The following MED13L variants were observed in gnomAD, a reference collection of about 807,000 sequenced individuals.
MED13L encodes the protein mediator complex subunit 13L, also known as mediator of RNA polymerase II transcription subunit 13-like.
In MED13L, 7 loss-of-function variants were observed where a neutral mutation model predicts 220.9. The ratio of observed to expected loss-of-function variants is 0.03; its 90% CI spans 0.02 to 0.06. MED13L has a LOEUF of 0.06. Among genes scored for constraint, MED13L ranks in the 10% least tolerant of loss-of-function variants. The probability of loss-of-function intolerance (pLI) is 1.00; values close to 1 mark genes in which losing one functional copy is unlikely to be tolerated. For synonymous variants in MED13L, 1,011 were observed against 1,015.2 expected (o/e 1.00, Z 0.08); for missense variants, 1,965 against 2,760.5 (o/e 0.71, Z 6.46).
At chr12:116,270,152 T>C (rs1193723715) in intron 1 of MED13L, among the ~76,000 whole-genome samples, 2 of 152,078 alleles carry the variant, frequency 1.3e-5, no homozygotes, top group African/African-American at 4.8e-5. Context: ...ATAATTTTTT[T>C]TTTTTTTTGA....
intron 2 of MED13L, among the ~76,000 whole-genome samples, chr12:116,143,920 G>A (rs1877282279): frequency 6.6e-6 from 1 of 152,142 alleles, no homozygotes; most frequent in Non-Finnish European, 1.5e-5. Context: ...TTATGGATTG[G>A]CTAAAAGAGA....
intron 4 of MED13L, among the ~76,000 whole-genome samples, chr12:116,052,525 G>A (rs1156295217): frequency 6.6e-6 from 1 of 152,170 alleles, no homozygotes; most frequent in Non-Finnish European, 1.5e-5. Context: ...TGAGAAAAAT[G>A]TCTTGGTGCC....
intron 2 of MED13L, among the ~76,000 whole-genome samples, chr12:116,136,969 T>C (rs997420849): frequency 6.6e-6 from 1 of 152,158 alleles, no homozygotes. Flanking sequence ...TTGAGGTAAA[T>C]CATCAGTAAA....
chr12:116,093,042 T>C (rs1286123020), intron 4 of MED13L, among the ~76,000 whole-genome samples: 3 of 152,198 alleles, frequency 2.0e-5, no homozygotes, highest in African/African-American at 7.2e-5. Context: ...CTAAAGTGTA[T>C]AGATTTCAAA....
At chr12:116,087,751 A>T (rs1384978452) in intron 4 of MED13L, among the ~76,000 whole-genome samples, 1 of 152,192 alleles carries the variant, frequency 6.6e-6, no homozygotes, top group Non-Finnish European at 1.5e-5. Context: ...TGCAAAAAAA[A>T]GTTCATAAGG....
rs888193925 is a variant in MED13L, at chr12:115,979,250, T to C, written c.5364+1500A>G. Among the ~76,000 whole-genome samples the C allele has an allele frequency of 1.8e-4, 28 of 152,222 alleles. 1 individual carries two copies. Among genetic ancestry groups the C allele is most frequent in the Admixed American group, 1.8e-3 (27 of 15,286 alleles). The stretch of plus-strand genomic sequence containing the variant: ...GAAAAACGATATTACTCGAAGTCTT[T>C]TTGCCATTTATTTTAATCTAAACCT... On this transcript the variant is annotated intron_variant, in intron 23 of 30. Coordinates refer to ENST00000281928, the MANE Select transcript of MED13L (RefSeq NM_015335.5).
chr12:116,005,649 A>G (rs1306450749), intron 13 of MED13L, among the ~76,000 whole-genome samples: 2 of 152,210 alleles, frequency 1.3e-5, no homozygotes. Context: ...CTCGAGGTGG[A>G]TACACTACAC....
At chr12:116,207,715 C>T (rs80064874) in intron 2 of MED13L, among the ~76,000 whole-genome samples, 6,274 of 151,790 alleles carry the variant, frequency 0.041, 198 homozygotes, top group South Asian at 0.14. Flanking sequence ...TAAGTAAAAA[C>T]CTTGTAGTCC....
At chr12:116,158,315 T>C (rs1878598956) in intron 2 of MED13L, among the ~76,000 whole-genome samples, 1 of 152,176 alleles carries the variant, frequency 6.6e-6, no homozygotes, top group African/African-American at 2.4e-5. Context: ...GAAATCTACT[T>C]TGACATTATC....
chr12:116,157,884 C>T (rs1467392324), intron 2 of MED13L, among the ~76,000 whole-genome samples: 5 of 152,134 alleles, frequency 3.3e-5, no homozygotes, highest in South Asian at 2.1e-4. Context: ...AAAGTCAATG[C>T]GAGGCAAGTC....
intron 4 of MED13L, among the ~76,000 whole-genome samples, chr12:116,095,689 G>C (rs1165888350): frequency 1.3e-5 from 2 of 152,150 alleles, no homozygotes; most frequent in Admixed American, 1.3e-4. Context: ...CAAGTACACT[G>C]ATAATAAAAC....
At chr12:116,233,573 G>A (rs1426535504) in intron 2 of MED13L, among the ~76,000 whole-genome samples, 1 of 152,130 alleles carries the variant, frequency 6.6e-6, no homozygotes, top group East Asian at 1.9e-4. Flanking sequence ...ACCTGTTCTT[G>A]CCACAATTCA....
chr12:116,116,849 T>TTTGTG (rs1565885105), intron 2 of MED13L, among the ~76,000 whole-genome samples: 1 of 151,394 alleles, frequency 6.6e-6, no homozygotes, highest in Admixed American at 6.6e-5. Context: ...ACAGAAGTGT[T>TTTGTG]TTGTGTTGTG....
At chr12:116,125,468 T>C (rs1003834533) in intron 2 of MED13L, among the ~76,000 whole-genome samples, 4 of 152,374 alleles carry the variant, frequency 2.6e-5, no homozygotes, top group African/African-American at 9.6e-5. Context: ...AACTCTGATA[T>C]GTCTATAAAT....
intron 4 of MED13L, among the ~76,000 whole-genome samples, chr12:116,068,974 G>A (rs574093485): frequency 2.0e-5 from 3 of 152,182 alleles, no homozygotes; most frequent in African/African-American, 4.8e-5. Flanking sequence ...CAGCACTAAC[G>A]TCATTACCGA....
At chr12:116,200,684 T>A (rs745472629) in intron 2 of MED13L, among the ~76,000 whole-genome samples, 2 of 152,216 alleles carry the variant, frequency 1.3e-5, no homozygotes, top group African/African-American at 4.8e-5. Flanking sequence ...ACACTAAGTC[T>A]ATACTAAGCA....
chr12:115,976,306 T>C (rs1876933765), intron 23 of MED13L, among the ~76,000 whole-genome samples: 3 of 152,160 alleles, frequency 2.0e-5, no homozygotes, highest in Admixed American at 1.3e-4. Context: ...GTGATATAGT[T>C]AACAGAATCA....
At chr12:116,258,519 G>A (rs989379989) in intron 1 of MED13L, among the ~76,000 whole-genome samples, 1 of 152,176 alleles carries the variant, frequency 6.6e-6, no homozygotes, top group Admixed American at 6.5e-5. Flanking sequence ...GCTCACACCT[G>A]TAATCCCAGC....
intron 3 of MED13L, among the ~76,000 whole-genome samples, chr12:116,109,688 C>A (rs1015606875): frequency 1.6e-4 from 24 of 152,132 alleles, no homozygotes; most frequent in African/African-American, 5.8e-4. Flanking sequence ...TCCACATTTT[C>A]TTGGATAGAG....
Sources: allele counts gnomAD v4.1 joint callset (sites outside exome capture counted in the v4.1 genomes callset), GRCh38; gene constraint gnomAD v4.1.1; transcripts MANE v1.5; gene names NCBI Gene and HGNC (gene_info 2026-07-23, HGNC 2026-07-21).